Variants in MDGA2 observed in about 807,000 individuals in gnomAD.
The protein encoded by MDGA2 is MAM domain-containing glycosylphosphatidylinositol anchor protein 2.
A neutral mutation model predicts 117.8 loss-of-function variants in MDGA2; 40 were observed. That is an observed-to-expected ratio of 0.34 (90% CI 0.26 to 0.44). The LOEUF is 0.44. MDGA2 is among the 20% of genes least tolerant of loss of function. The pLI is 1.00. For missense variants in MDGA2, 1,123 were observed against 1,250.6 expected, an observed-to-expected ratio of 0.90 and a Z score of 1.54; for synonymous variants, 452 against 439.0, an observed-to-expected ratio of 1.03 and a Z score of -0.37.
chr14:46,944,265 T>G (rs1885094063), intron 9 of MDGA2, among the ~76,000 whole-genome samples: 1 of 152,076 alleles, frequency 6.6e-6, no homozygotes. Context: ...GACAGTATTT[T>G]CAAAAGATAT....
intron 3 of MDGA2, among the ~76,000 whole-genome samples, chr14:47,197,503 C>T (rs898735762): frequency 1.3e-5 from 2 of 152,046 alleles, no homozygotes; most frequent in East Asian, 3.9e-4. Flanking sequence ...TTGATATTTA[C>T]GCTGCCCAGT....
At chr14:47,574,782 A>G (rs1896086092) in intron 1 of MDGA2, among the ~76,000 whole-genome samples, 1 of 152,196 alleles carries the variant, frequency 6.6e-6, no homozygotes, top group Admixed American at 6.6e-5. Context: ...CTGTTTACAG[A>G]TGGCAAAACT....
intron 2 of MDGA2, among the ~76,000 whole-genome samples, chr14:47,288,660 G>A (rs1282282765): frequency 2.0e-5 from 3 of 151,990 alleles, no homozygotes. Context: ...GTTTGCTGAT[G>A]GAAAAGGATA....
intron 1 of MDGA2, among the ~76,000 whole-genome samples, chr14:47,446,454 T>C (rs924258026): frequency 1.7e-4 from 26 of 149,838 alleles, no homozygotes; most frequent in East Asian, 1.6e-3. Context: ...AGTCATATTA[T>C]AGGTTTCCCC....
intron 4 of MDGA2, among the ~76,000 whole-genome samples, chr14:47,135,088 T>C (rs2139166755): frequency 6.6e-6 from 1 of 152,226 alleles, no homozygotes; most frequent in Non-Finnish European, 1.5e-5. Flanking sequence ...AGTAATTTCA[T>C]TAATGATGAT....
At chr14:47,045,530 G>T (rs141387691) in intron 7 of MDGA2, among the ~76,000 whole-genome samples, 2,577 of 151,196 alleles carry the variant, frequency 0.017, 100 homozygotes, top group African/African-American at 0.059. Context: ...TTTTTTTTCT[G>T]AAACAACTAA....
intron 1 of MDGA2, chr14:47,343,231 T>G (rs188554299): frequency 1.7e-4 from 200 of 1,142,878 alleles, no homozygotes; most frequent in Non-Finnish European, 2.0e-4. Flanking sequence ...TTGTTTGTTT[T>G]TTTCAGGAAC....
At chr14:47,298,027 C>A (rs918889022) in intron 2 of MDGA2, among the ~76,000 whole-genome samples, 1 of 152,008 alleles carries the variant, frequency 6.6e-6, no homozygotes, top group African/African-American at 2.4e-5. Flanking sequence ...TATATATACA[C>A]ACACAGAATA....
At chr14:47,523,318 A>G (rs1894907269) in intron 1 of MDGA2, among the ~76,000 whole-genome samples, 2 of 152,256 alleles carry the variant, frequency 1.3e-5, no homozygotes, top group Non-Finnish European at 2.9e-5. Flanking sequence ...GATATACATT[A>G]GAAGTTCAAC....
intron 1 of MDGA2, among the ~76,000 whole-genome samples, chr14:47,493,767 T>G (rs952560914): frequency 6.6e-6 from 1 of 152,238 alleles, no homozygotes; most frequent in Non-Finnish European, 1.5e-5. Flanking sequence ...CTTATTTTTG[T>G]CATTACCAAT....
At chr14:47,539,676 G>A (rs1180406068) in intron 1 of MDGA2, among the ~76,000 whole-genome samples, 1 of 152,206 alleles carries the variant, frequency 6.6e-6, no homozygotes, top group Non-Finnish European at 1.5e-5. Flanking sequence ...GTATCTGAGA[G>A]AAGTGGGGGA....
rs1566716995 is a variant in MDGA2 at position 47,279,355 on chromosome 14, T to A, written c.420+22056A>T. On this transcript the variant is annotated intron_variant, in intron 2 of 16. Transcript: ENST00000399232. ...AAGCTAGTTTTGGTCTAAGAGACAC[T>A]TGAGTGTGTGTATTTCTGCCTATTC... Among the ~76,000 whole-genome samples, 5 of 152,284 alleles carry A rather than the reference T, an allele frequency of 3.3e-5. No homozygotes were observed. In the South Asian group the frequency reaches 6.2e-4, roughly 19 times the overall value.
intron 1 of MDGA2, among the ~76,000 whole-genome samples, chr14:47,540,878 T>A (rs914669383): frequency 2.7e-4 from 41 of 152,280 alleles, no homozygotes; most frequent in Admixed American, 3.3e-4. Context: ...CTATATATTT[T>A]ATTTGATTGG....
At chr14:47,553,791 T>C (rs1171980233) in intron 1 of MDGA2, among the ~76,000 whole-genome samples, 1 of 152,206 alleles carries the variant, frequency 6.6e-6, no homozygotes, top group African/African-American at 2.4e-5. Context: ...TTATATTTTA[T>C]TGCATCTCTG....
intron 6 of MDGA2, among the ~76,000 whole-genome samples, chr14:47,069,906 T>C (rs1441615401): frequency 6.6e-6 from 1 of 152,232 alleles, no homozygotes; most frequent in Non-Finnish European, 1.5e-5. Flanking sequence ...TAAATTATCT[T>C]AATTGCCTTA....
At chr14:46,958,870 T>C (rs1157665160) in intron 8 of MDGA2, among the ~76,000 whole-genome samples, 4 of 152,226 alleles carry the variant, frequency 2.6e-5, no homozygotes, top group African/African-American at 9.6e-5. Context: ...ACACAATATA[T>C]AATAGATTTC....
chr14:47,505,201 A>C (rs12885753), intron 1 of MDGA2, among the ~76,000 whole-genome samples: 5 of 152,114 alleles, frequency 3.3e-5, no homozygotes, highest in South Asian at 2.1e-4. Flanking sequence ...GGTTGTCAGA[A>C]AGGGGAGAGG....
At chr14:46,896,254 A>G (rs575699961) in intron 10 of MDGA2, among the ~76,000 whole-genome samples, 2 of 152,156 alleles carry the variant, frequency 1.3e-5, no homozygotes, top group Non-Finnish European at 2.9e-5. Context: ...ATTATTGACA[A>G]TGATAAAAAA....
At chr14:47,121,565 G>C (rs1393822400) in intron 5 of MDGA2, among the ~76,000 whole-genome samples, 45 of 152,036 alleles carry the variant, frequency 3.0e-4, no homozygotes, top group Admixed American at 2.9e-3. Flanking sequence ...TGATGAGCTA[G>C]ATGATATTTT....
Sources: allele counts gnomAD v4.1 joint callset (sites outside exome capture counted in the v4.1 genomes callset), GRCh38; gene constraint gnomAD v4.1.1; transcripts MANE v1.5; gene names NCBI Gene and HGNC (gene_info 2026-07-23, HGNC 2026-07-21).